ESRRG: variants seen among roughly 807,000 people sequenced by gnomAD.
ESRRG encodes estrogen related receptor gamma, also known as estrogen-related receptor gamma.
ESRRG carries 13 observed loss-of-function variants against 44.0 expected under a neutral mutation model. That is an observed-to-expected ratio of 0.30 (90% CI 0.19 to 0.47). The LOEUF (loss-of-function observed/expected upper bound fraction) is 0.47, where lower values mean the gene tolerates loss of function less well. ESRRG is among the 20% of genes least tolerant of loss of function. The pLI, the probability that ESRRG is intolerant of heterozygous loss-of-function variation, is 1.00. For synonymous variants in ESRRG, 215 were observed against 214.6 expected (o/e 1.00, Z -0.02); for missense variants, 395 against 580.6 (o/e 0.68, Z 3.29).
rs545866235 is a variant in ESRRG at position 216,762,198 on chromosome 1, T to C, written c.-13-84707A>G. Among the ~76,000 whole-genome samples the C allele has an allele frequency of 8.0e-4, 122 of 151,968 alleles. 1 individual carries two copies. The highest frequency in any genetic ancestry group is 1.5e-3 in the Non-Finnish European group (99 of 67,974). The stretch of plus-strand genomic sequence containing the variant: ...AATACCATTTGACCCAGCCATCCCA[T>C]TACTGGGTATATACCCAAAGGACTA... On this transcript the variant is annotated intron_variant, in intron 2 of 7. Coordinates refer to the ESRRG transcript ENST00000359162.
At chr1:217,062,582 A>G (rs1316927884) in intron 1 of ESRRG, among the ~76,000 whole-genome samples, 1 of 152,202 alleles carries the variant, frequency 6.6e-6, no homozygotes, top group Non-Finnish European at 1.5e-5. Context: ...TGAGGAGGTA[A>G]GAAATTAAAA....
intron 1 of ESRRG, among the ~76,000 whole-genome samples, chr1:216,706,811 T>G (rs770724280): frequency 2.0e-5 from 3 of 152,162 alleles, no homozygotes; most frequent in Non-Finnish European, 4.4e-5. Context: ...ATTAAAAACA[T>G]CTAAAAATGT....
intron 5 of ESRRG, among the ~76,000 whole-genome samples, chr1:216,522,838 A>G (rs947325714): frequency 1.3e-5 from 2 of 152,174 alleles, no homozygotes; most frequent in East Asian, 1.9e-4. Flanking sequence ...TAATTGCTCT[A>G]TTGGCTTACA....
intron 3 of ESRRG, among the ~76,000 whole-genome samples, chr1:216,650,649 C>A (rs2068718524): frequency 1.3e-5 from 2 of 150,922 alleles, no homozygotes; most frequent in Non-Finnish European, 1.5e-5. Flanking sequence ...AGAAGAAAAC[C>A]AAAAATTCAA....
chr1:216,516,202 GTT>G (rs1030057921), intron 6 of ESRRG, among the ~76,000 whole-genome samples: 3 of 152,038 alleles, frequency 2.0e-5, no homozygotes, highest in African/African-American at 7.2e-5. Context: ...GAGACTGTAA[GTT>G]TCTTATCTTC....
At chr1:216,653,069 C>T (rs2069412247) in intron 2 of ESRRG, among the ~76,000 whole-genome samples, 1 of 152,206 alleles carries the variant, frequency 6.6e-6, no homozygotes, top group African/African-American at 2.4e-5. Context: ...CTTATCAAGG[C>T]ATGAGTGCTA....
At chr1:216,854,393 GA>G (rs1022311876) in intron 2 of ESRRG, among the ~76,000 whole-genome samples, 2 of 96,254 alleles carry the variant, frequency 2.1e-5, no homozygotes, top group African/African-American at 7.3e-5. Flanking sequence ...AGAAAAAAAA[GA>G]AAAAACTCCC....
At chr1:216,728,321 A>G (rs2087974528), upstream of ESRRG, among the ~76,000 whole-genome samples, 1 of 152,172 alleles carries the variant, frequency 6.6e-6, no homozygotes, top group Non-Finnish European at 1.5e-5. Context: ...TATTATGATA[A>G]TCAAGCTTAA....
At chr1:216,877,771 TTA>T (rs2096380936) in intron 2 of ESRRG, among the ~76,000 whole-genome samples, 1 of 152,146 alleles carries the variant, frequency 6.6e-6, no homozygotes, top group African/African-American at 2.4e-5. Context: ...GTGTAATCCA[TTA>T]TGTTTCCTTA....
chr1:216,744,772 T>G (rs1294334869), intron 2 of ESRRG, among the ~76,000 whole-genome samples: 1 of 152,206 alleles, frequency 6.6e-6, no homozygotes, highest in East Asian at 1.9e-4. Context: ...GCTGGCTTAC[T>G]GCCATTGAAG....
chr1:216,772,355 T>C (rs1030494284), intron 2 of ESRRG, among the ~76,000 whole-genome samples: 10 of 152,104 alleles, frequency 6.6e-5, no homozygotes, highest in South Asian at 4.1e-4. Flanking sequence ...TTCTCTACTC[T>C]AACATCCCAG....
At chr1:216,737,828 A>G (rs965593253) in intron 2 of ESRRG, among the ~76,000 whole-genome samples, 1 of 152,142 alleles carries the variant, frequency 6.6e-6, no homozygotes, top group African/African-American at 2.4e-5. Flanking sequence ...ATTGTTATGA[A>G]AACAAATAAG....
chr1:216,546,580 C>A (rs980186084), intron 5 of ESRRG, among the ~76,000 whole-genome samples: 1 of 151,770 alleles, frequency 6.6e-6, no homozygotes, highest in African/African-American at 2.4e-5. Flanking sequence ...GTGGACTTTG[C>A]CAGTTATGTA....
chr1:217,050,507 C>G (rs941643564), intron 1 of ESRRG, among the ~76,000 whole-genome samples: 1 of 152,096 alleles, frequency 6.6e-6, no homozygotes, highest in Non-Finnish European at 1.5e-5. Flanking sequence ...GGTGGAGAAG[C>G]CAAGCCTCTC....
At chr1:216,778,982 T>A (rs773572910) in intron 2 of ESRRG, among the ~76,000 whole-genome samples, 1 of 149,878 alleles carries the variant, frequency 6.7e-6, no homozygotes, top group Non-Finnish European at 1.5e-5. Flanking sequence ...CAGTCACTCA[T>A]CAACTCTGTT....
intron 2 of ESRRG, among the ~76,000 whole-genome samples, chr1:216,881,122 T>C (rs1442493249): frequency 1.3e-5 from 2 of 152,226 alleles, no homozygotes; most frequent in Non-Finnish European, 2.9e-5. Context: ...ATAATGAGTA[T>C]GAATAAATGA....
At chr1:216,882,765 A>G (rs2096464597) in intron 2 of ESRRG, among the ~76,000 whole-genome samples, 2 of 152,344 alleles carry the variant, frequency 1.3e-5, no homozygotes, top group Non-Finnish European at 2.9e-5. Context: ...AAGTAGCATT[A>G]AAAATGATCT....
chr1:216,954,011 C>T (rs1459930578), intron 1 of ESRRG, among the ~76,000 whole-genome samples: 2 of 152,030 alleles, frequency 1.3e-5, no homozygotes, highest in Admixed American at 6.6e-5. Context: ...ACTATCATTA[C>T]TTTAGATTTT....
chr1:217,135,901 A>G (rs1319285335), intron 1 of ESRRG, among the ~76,000 whole-genome samples: 1 of 152,070 alleles, frequency 6.6e-6, no homozygotes, highest in African/African-American at 2.4e-5. Flanking sequence ...GCAGGCGTGC[A>G]TTTTGCTCAA....
Sources: gnomAD v4.1 joint callset for allele counts (sites outside exome capture counted in the v4.1 genomes callset) on GRCh38, gnomAD v4.1.1 for gene constraint, MANE v1.5 for transcripts, NCBI Gene and HGNC (gene_info 2026-07-23, HGNC 2026-07-21) for gene names.